Variants in PRTFDC1 observed in about 807,000 individuals in gnomAD.
PRTFDC1 encodes phosphoribosyltransferase domain-containing protein 1.
Under a neutral mutation model 34.6 loss-of-function variants are expected in PRTFDC1, and 38 were observed. The observed-to-expected ratio is 1.10, with a 90% CI of 0.85 to 1.44. The LOEUF (loss-of-function observed/expected upper bound fraction) is 1.44, where lower values mean the gene tolerates loss of function less well. Ranked by LOEUF, PRTFDC1 falls within the 40% of genes most tolerant of loss-of-function variation. The pLI is 0.00. For missense variants in PRTFDC1, 270 were observed against 283.0 expected, an observed-to-expected ratio of 0.95 and a Z score of 0.33; for synonymous variants, 93 against 98.1, an observed-to-expected ratio of 0.95 and a Z score of 0.31.
At chr10:24,868,429 G>T (rs1847822615) in intron 4 of PRTFDC1, among the ~76,000 whole-genome samples, 1 of 152,102 alleles carries the variant, frequency 6.6e-6, no homozygotes, top group Non-Finnish European at 1.5e-5. Context: ...ATTCCTGGCA[G>T]AGTAATAACA....
chr10:24,943,672 C>T (rs549058952), intron 1 of PRTFDC1, among the ~76,000 whole-genome samples: 5 of 151,228 alleles, frequency 3.3e-5, no homozygotes, highest in Non-Finnish European at 5.9e-5. Flanking sequence ...GCCTCAGTCC[C>T]CTGAGTAGCT....
At chr10:24,889,212 C>T (rs942500018) in intron 3 of PRTFDC1, among the ~76,000 whole-genome samples, 6 of 152,048 alleles carry the variant, frequency 3.9e-5, no homozygotes, top group Admixed American at 3.9e-4. Context: ...AAGAAGGCAC[C>T]ATCTATGGAC....
chr10:24,880,973 TCTTCCTCC>T (rs1440234293), intron 3 of PRTFDC1, among the ~76,000 whole-genome samples: 1 of 149,824 alleles, frequency 6.7e-6, no homozygotes, highest in Non-Finnish European at 1.5e-5. Context: ...TTCTTTCCTT[TCTTCCTCC>T]CTTCCTCCCT....
rs555867814 is a variant in PRTFDC1, at chr10:24,876,797, C to T, written c.340-4734G>A. On this transcript the variant is annotated intron_variant, in intron 3 of 8. Transcript: ENST00000320152. ...CTCCTGGCCCCAAGCAAACCTCCCA[C>T]CTCAGTCTCCCAATTTCTTTTTCTT... Among the ~76,000 whole-genome samples, 33 of 152,176 alleles carry T rather than the reference C, an allele frequency of 2.2e-4. No homozygotes were observed. In the East Asian group the frequency reaches 6.2e-3, roughly 28 times the overall value.
At chr10:24,923,456 G>T (rs1848821651) in intron 3 of PRTFDC1, among the ~76,000 whole-genome samples, 1 of 152,204 alleles carries the variant, frequency 6.6e-6, no homozygotes, top group Admixed American at 6.5e-5. Context: ...CCAGAGGAAG[G>T]ATCAGGCAGC....
chr10:24,890,317 T>G (rs1161158358), intron 3 of PRTFDC1, among the ~76,000 whole-genome samples: 1 of 152,156 alleles, frequency 6.6e-6, no homozygotes, highest in Non-Finnish European at 1.5e-5. Flanking sequence ...CCTCTGCTCT[T>G]AGGTTTTTGT....
At chr10:24,914,698 C>T (rs1461840023) in intron 3 of PRTFDC1, among the ~76,000 whole-genome samples, 1 of 152,146 alleles carries the variant, frequency 6.6e-6, no homozygotes, top group Non-Finnish European at 1.5e-5. Flanking sequence ...TCTGTTTCTT[C>T]CAAGGTCTAG....
chr10:24,883,638 C>T lies in PRTFDC1; in HGVS notation c.340-11575G>A, dbSNP rs562676191. ...AGCAGGATATCCTTCTGTTTTGAAC[C>T]TTGGTATGGACTTCTTGTTTTGATT... On this transcript the variant is annotated intron_variant, in intron 3 of 8. Coordinates refer to ENST00000320152, the MANE Select transcript of PRTFDC1 (RefSeq NM_020200.7). 4.7e-4 allele frequency among the ~76,000 whole-genome samples: 72 copies of T among 152,178 alleles called. 1 individual carries two copies. Among genetic ancestry groups the T allele is most frequent in the African/African-American group, 1.7e-3 (70 of 41,530 alleles).
At chr10:24,854,691 C>T (rs532686488) in intron 7 of PRTFDC1, among the ~76,000 whole-genome samples, 10 of 152,148 alleles carry the variant, frequency 6.6e-5, no homozygotes, top group African/African-American at 2.4e-4. Flanking sequence ...GATGAGGAAG[C>T]CCTAGAGAAC....
In PRTFDC1 at chr10:24,942,355, T is replaced by G; in HGVS notation, c.130A>C (p.Ile44Leu). Residue 44 changes from isoleucine (I) to leucine (L), a missense_variant, in exon 2 of 9, where the codon ATC becomes CTC. Transcript: ENST00000320152. ...HYYGDLEYVLIPHGIIVDRIE... is the reference protein window; with the variant it reads ...HYYGDLEYVLLPHGIIVDRIE... ...CTGTCCACAATGATACCATGAGGGA[T>G]GAGGACATACTCCAAGTCTCCATAA... The G allele has an allele frequency of 6.2e-7, 1 of 1,613,102 alleles. No homozygotes were observed. Among genetic ancestry groups the G allele is most frequent in the Non-Finnish European group, 8.5e-7 (1 of 1,178,994 alleles).
rs139966516 is a variant in PRTFDC1, at chr10:24,910,342, G to A, written c.339+26842C>T. Among the ~76,000 whole-genome samples the A allele has an allele frequency of 4.9e-3, 740 of 152,240 alleles. 8 individuals are homozygous for A. Among genetic ancestry groups the A allele is most frequent in the African/African-American group, 0.017 (701 of 41,538 alleles). The stretch of plus-strand genomic sequence containing the variant: ...CCAGGAAACCTAAGATTGAATTCTC[G>A]TTTTAAAAGCTGGCCAACCACAAGT... On this transcript the variant is annotated intron_variant, in intron 3 of 8. Coordinates refer to ENST00000320152, the MANE Select transcript of PRTFDC1 (RefSeq NM_020200.7).
chr10:24,851,314 C>A, intron 8 of PRTFDC1, 74 bp downstream of exon 8: 1 of 1,557,252 alleles, frequency 6.4e-7, no homozygotes, highest in Non-Finnish European at 8.6e-7. Flanking sequence ...ACATCACTAA[C>A]ACGCATTCAA....
intron 3 of PRTFDC1, among the ~76,000 whole-genome samples, chr10:24,935,054 G>A (rs1211235819): frequency 6.6e-6 from 1 of 152,204 alleles, no homozygotes; most frequent in Non-Finnish European, 1.5e-5. Flanking sequence ...AGGGGTTCAG[G>A]AGGTTGACTG....
intron 4 of PRTFDC1, among the ~76,000 whole-genome samples, chr10:24,862,438 G>C (rs987342848): frequency 1.3e-5 from 2 of 151,440 alleles, no homozygotes; most frequent in African/African-American, 4.9e-5. Flanking sequence ...GCAATGGCGC[G>C]ATCTTGGCTC....
chr10:24,947,601 A>T (rs1279437061), intron 1 of PRTFDC1, among the ~76,000 whole-genome samples: 1 of 152,190 alleles, frequency 6.6e-6, no homozygotes, highest in Non-Finnish European at 1.5e-5. Context: ...CTGAAGATGC[A>T]CTGAAAACTT....
chr10:24,851,991 C>A (rs1010987085), intron 7 of PRTFDC1, among the ~76,000 whole-genome samples: 2 of 151,840 alleles, frequency 1.3e-5, no homozygotes, highest in African/African-American at 2.4e-5. Flanking sequence ...TGAAAGGCAA[C>A]GGGATTGTTC....
chr10:24,890,801 C>T (rs1023219100), intron 3 of PRTFDC1, among the ~76,000 whole-genome samples: 28 of 152,298 alleles, frequency 1.8e-4, no homozygotes, highest in African/African-American at 6.5e-4. Flanking sequence ...GAAACCTAGC[C>T]CTGCCTGGCA....
chr10:24,933,249 A>G (rs1848996134), intron 3 of PRTFDC1, among the ~76,000 whole-genome samples: 1 of 152,032 alleles, frequency 6.6e-6, no homozygotes, highest in African/African-American at 2.4e-5. Flanking sequence ...ACAAAAGGAC[A>G]CACTAGATTA....
At chr10:24,947,562 C>T (rs1849269245) in intron 1 of PRTFDC1, among the ~76,000 whole-genome samples, 1 of 152,142 alleles carries the variant, frequency 6.6e-6, no homozygotes, top group African/African-American at 2.4e-5. Context: ...ATCCAAATCC[C>T]AGAAGTAATT....
Sources: allele counts gnomAD v4.1 joint callset (sites outside exome capture counted in the v4.1 genomes callset), GRCh38; gene constraint gnomAD v4.1.1; transcripts MANE v1.5; gene names NCBI Gene and HGNC (gene_info 2026-07-23, HGNC 2026-07-21).